Variants in RBMS3 observed in about 807,000 individuals in gnomAD.
RBMS3 encodes the protein RNA binding motif single stranded interacting protein 3.
In RBMS3, 27 loss-of-function variants were observed where a neutral mutation model predicts 66.8. The observed-to-expected ratio is 0.40, with a 90% CI of 0.30 to 0.56. The LOEUF is 0.56. Ranked by LOEUF, RBMS3 falls within the 20% of genes least tolerant of loss-of-function variation. The pLI, the probability that RBMS3 is intolerant of heterozygous loss-of-function variation, is 0.40. For synonymous variants in RBMS3, 188 were observed against 183.0 expected (o/e 1.03, Z -0.22); for missense variants, 513 against 549.5 (o/e 0.93, Z 0.66).
At chr3:29,714,391 C>A (rs944625938) in intron 4 of RBMS3, among the ~76,000 whole-genome samples, 1 of 152,086 alleles carries the variant, frequency 6.6e-6, no homozygotes, top group Admixed American at 6.6e-5. Flanking sequence ...TAAGACAGAC[C>A]GGCTGGGAAA....
chr3:29,630,727 T>C (rs2049254595), intron 4 of RBMS3, among the ~76,000 whole-genome samples: 2 of 152,036 alleles, frequency 1.3e-5, no homozygotes, highest in South Asian at 4.1e-4. Context: ...GAAATCTATA[T>C]TTATAATTAT....
chr3:29,865,586 T>C (rs1011195880), intron 6 of RBMS3, among the ~76,000 whole-genome samples: 10 of 152,236 alleles, frequency 6.6e-5, no homozygotes, highest in African/African-American at 2.4e-4. Flanking sequence ...TAAATATAAA[T>C]CTGACATTAA....
intron 7 of RBMS3, among the ~76,000 whole-genome samples, chr3:29,873,940 C>G (rs2059550430): frequency 6.6e-6 from 1 of 152,134 alleles, no homozygotes; most frequent in South Asian, 2.1e-4. Context: ...ATGAAGCCTA[C>G]TTGATCATGG....
chr3:29,697,053 A>G (rs2149281683), intron 4 of RBMS3: 4 of 985,414 alleles, frequency 4.1e-6, no homozygotes. Flanking sequence ...AAGTTCTTAC[A>G]TAAAGAAATG....
chr3:29,604,455 G>A (rs1290143357), intron 4 of RBMS3, among the ~76,000 whole-genome samples: 2 of 151,826 alleles, frequency 1.3e-5, no homozygotes, highest in Non-Finnish European at 2.9e-5. Context: ...CCTTTTGGAG[G>A]CAGAATCCAG....
intron 14 of RBMS3, among the ~76,000 whole-genome samples, chr3:29,992,957 G>T (rs1383523717): frequency 2.0e-5 from 3 of 152,178 alleles, no homozygotes. Flanking sequence ...GGACTCAGTA[G>T]CCTGACTAAA....
intron 1 of RBMS3, among the ~76,000 whole-genome samples, chr3:29,364,460 C>T (rs560221331): frequency 7.6e-4 from 115 of 152,228 alleles, no homozygotes; most frequent in Non-Finnish European, 1.5e-3. Flanking sequence ...TATGCTTCCA[C>T]AGCAAAGTAT....
At chr3:29,862,698 G>C (rs1313445347) in intron 6 of RBMS3, among the ~76,000 whole-genome samples, 2 of 151,946 alleles carry the variant, frequency 1.3e-5, no homozygotes, top group Non-Finnish European at 2.9e-5. Context: ...AGTGAAATTA[G>C]CTAAGTGTGG....
chr3:29,305,705 T>G (rs2033961520), intron 1 of RBMS3, among the ~76,000 whole-genome samples: 1 of 151,994 alleles, frequency 6.6e-6, no homozygotes, highest in South Asian at 2.1e-4. Context: ...TGAGTTTACC[T>G]GAGCATGAAA....
intron 6 of RBMS3, among the ~76,000 whole-genome samples, chr3:29,814,707 TG>T: frequency 6.6e-6 from 1 of 152,170 alleles, no homozygotes; most frequent in Non-Finnish European, 1.5e-5. Context: ...GGTTTAGTCT[TG>T]GGAGAGTGTA....
chr3:29,295,376 T>TAC (rs199558743), intron 1 of RBMS3, among the ~76,000 whole-genome samples: 6,653 of 146,222 alleles, frequency 0.045, 212 homozygotes, highest in South Asian at 0.067. Flanking sequence ...TATATATATA[T>TAC]ACACATATAT....
intron 6 of RBMS3, among the ~76,000 whole-genome samples, chr3:29,787,963 T>C (rs547768865): frequency 6.6e-6 from 1 of 152,312 alleles, no homozygotes; most frequent in African/African-American, 2.4e-5. Flanking sequence ...TTTGAGTTGG[T>C]AATATGTGCA....
At chr3:29,660,114 C>T (rs2050479857) in intron 4 of RBMS3, among the ~76,000 whole-genome samples, 2 of 150,466 alleles carry the variant, frequency 1.3e-5, no homozygotes, top group Admixed American at 6.6e-5. Flanking sequence ...TTTATAATTC[C>T]CTTTTCAGTG....
chr3:29,890,618 A>G (rs1341216586), intron 8 of RBMS3, among the ~76,000 whole-genome samples: 1 of 151,648 alleles, frequency 6.6e-6, no homozygotes, highest in Non-Finnish European at 1.5e-5. Flanking sequence ...TAAAATTAGA[A>G]AAAAGAAAAT....
chr3:29,899,218 A>G (rs1207122968), intron 9 of RBMS3, among the ~76,000 whole-genome samples: 2 of 151,688 alleles, frequency 1.3e-5, no homozygotes, highest in Non-Finnish European at 3.0e-5. Context: ...ACTGCCCCAA[A>G]TTTTTGGTTT....
chr3:29,591,660 C>A (rs904245584), intron 4 of RBMS3, among the ~76,000 whole-genome samples: 2 of 152,186 alleles, frequency 1.3e-5, no homozygotes, highest in Non-Finnish European at 2.9e-5. Flanking sequence ...TTTAGAAACA[C>A]TAGAATGGGT....
At chr3:29,873,077 G>T (rs1314924044) in intron 7 of RBMS3, among the ~76,000 whole-genome samples, 2 of 152,080 alleles carry the variant, frequency 1.3e-5, no homozygotes, top group African/African-American at 4.8e-5. Context: ...GGCTATTCAG[G>T]CTCTTTTTTT....
At chr3:29,722,280 G>A (rs754477528) in intron 4 of RBMS3, among the ~76,000 whole-genome samples, 6 of 151,636 alleles carry the variant, frequency 4.0e-5, no homozygotes, top group Non-Finnish European at 7.4e-5. Context: ...AATTTTCCAC[G>A]TACTAACATC....
At chr3:29,379,433 T>A (rs1440265772) in intron 1 of RBMS3, among the ~76,000 whole-genome samples, 1 of 152,214 alleles carries the variant, frequency 6.6e-6, no homozygotes, top group East Asian at 1.9e-4. Context: ...GATAAAGACA[T>A]ACCTAAGACT....
Sources: allele counts gnomAD v4.1 joint callset (sites outside exome capture counted in the v4.1 genomes callset), GRCh38; gene constraint gnomAD v4.1.1; transcripts MANE v1.5; gene names NCBI Gene and HGNC (gene_info 2026-07-23, HGNC 2026-07-21).